Variants in TAFA5 observed in about 807,000 individuals in gnomAD.
TAFA5 encodes the protein TAFA chemokine like family member 5.
In TAFA5, 6 loss-of-function variants were observed where a neutral mutation model predicts 15.3. The observed-to-expected ratio is 0.39, with a 90% confidence interval of 0.21 to 0.77. The LOEUF is 0.77. Ranked by LOEUF, TAFA5 falls within the 30% of genes least tolerant of loss-of-function variation. The pLI is 0.41. For synonymous variants in TAFA5, 103 were observed against 80.7 expected, an observed-to-expected ratio of 1.28 and a Z score of -1.48; for missense variants, 161 against 193.1, an observed-to-expected ratio of 0.83 and a Z score of 0.98.
intron 3 of TAFA5, among the ~76,000 whole-genome samples, chr22:48,716,428 G>A (rs576035601): frequency 3.3e-5 from 5 of 152,264 alleles, no homozygotes; most frequent in African/African-American, 7.2e-5. Flanking sequence ...ACAGAAAACC[G>A]AACACCACGT....
chr22:48,681,204 A>C (rs999874322), intron 2 of TAFA5, among the ~76,000 whole-genome samples: 5 of 152,310 alleles, frequency 3.3e-5, no homozygotes, highest in African/African-American at 1.2e-4. Flanking sequence ...TGCCCATCGC[A>C]GCTGTAACCA....
At chr22:48,516,361 G>A (rs985211764) in intron 1 of TAFA5, among the ~76,000 whole-genome samples, 6 of 151,976 alleles carry the variant, frequency 3.9e-5, no homozygotes, top group African/African-American at 1.5e-4. Context: ...TAATTCCTGC[G>A]ATTCCCATTC....
intron 1 of TAFA5, among the ~76,000 whole-genome samples, chr22:48,508,034 ACTGTCACTCGGCCC>A (rs956183099): frequency 6.6e-6 from 1 of 151,916 alleles, no homozygotes; most frequent in Non-Finnish European, 1.5e-5. Context: ...AGTGGGGAGA[ACTGTCACTCGGCCC>A]CTAGAGCCGC....
intron 1 of TAFA5, among the ~76,000 whole-genome samples, chr22:48,571,271 C>CTTTTTTTTTTTTTTTTTTT (rs869050468): frequency 1.0e-5 from 1 of 97,712 alleles, no homozygotes; most frequent in Non-Finnish European, 2.0e-5. Flanking sequence ...TTGTTGTTTG[C>CTTTTTTTTTTTTTTTTTTT]TTTTTTTTTT....
chr22:48,673,884 C>T (rs1927880253), intron 2 of TAFA5, among the ~76,000 whole-genome samples: 1 of 152,146 alleles, frequency 6.6e-6, no homozygotes, highest in Admixed American at 6.5e-5. Flanking sequence ...GGAAATGCAT[C>T]ATAGCTGGGT....
intron 1 of TAFA5, among the ~76,000 whole-genome samples, chr22:48,572,695 T>G (rs1923631636): frequency 6.6e-6 from 1 of 152,158 alleles, no homozygotes; most frequent in Non-Finnish European, 1.5e-5. Context: ...ATGAAGAAGA[T>G]CAATTATATC....
chr22:48,595,475 C>T (rs547801185), intron 1 of TAFA5, among the ~76,000 whole-genome samples: 1 of 152,360 alleles, frequency 6.6e-6, no homozygotes, highest in Non-Finnish European at 1.5e-5. Context: ...TCCGCAAGTG[C>T]TGCCGGTAGC....
chr22:48,610,474 C>T (rs1925360392), intron 1 of TAFA5, among the ~76,000 whole-genome samples: 1 of 152,360 alleles, frequency 6.6e-6, no homozygotes, highest in Non-Finnish European at 1.5e-5. Context: ...GAACTGCGGA[C>T]CTTCATGCTG....
chr22:48,506,725 A>G (rs535208361), intron 1 of TAFA5, among the ~76,000 whole-genome samples: 1 of 152,292 alleles, frequency 6.6e-6, no homozygotes, highest in South Asian at 2.1e-4. Context: ...GCACACGGCA[A>G]ATGGACCACG....
At chr22:48,642,956 A>G (rs1232335861) in intron 1 of TAFA5, among the ~76,000 whole-genome samples, 1 of 152,154 alleles carries the variant, frequency 6.6e-6, no homozygotes, top group East Asian at 1.9e-4. Flanking sequence ...CAGTAGTCCC[A>G]GAAGGAGGTT....
chr22:48,506,495 A>G (rs1921000849), intron 1 of TAFA5, among the ~76,000 whole-genome samples: 1 of 152,134 alleles, frequency 6.6e-6, no homozygotes, highest in African/African-American at 2.4e-5. Context: ...TCTTCCCGGC[A>G]GTGGATCGTC....
At chr22:48,584,115 C>G (rs1443395157) in intron 1 of TAFA5, among the ~76,000 whole-genome samples, 1 of 149,848 alleles carries the variant, frequency 6.7e-6, no homozygotes, top group Non-Finnish European at 1.5e-5. Flanking sequence ...ACACCACACA[C>G]ACACACCAAT....
chr22:48,571,694 C>G (rs868146484), intron 1 of TAFA5, among the ~76,000 whole-genome samples: 33 of 140,750 alleles, frequency 2.3e-4, no homozygotes, highest in African/African-American at 8.1e-4. Flanking sequence ...TGGTAAGTCT[C>G]TACAATCTGA....
At chr22:48,592,962 G>A (rs1457992079) in intron 1 of TAFA5, among the ~76,000 whole-genome samples, 1 of 152,148 alleles carries the variant, frequency 6.6e-6, no homozygotes, top group African/African-American at 2.4e-5. Context: ...ACCTGTCTGT[G>A]GGGTTTGGTC....
intron 1 of TAFA5, among the ~76,000 whole-genome samples, chr22:48,555,385 A>G (rs1396652961): frequency 6.6e-6 from 1 of 152,210 alleles, no homozygotes; most frequent in East Asian, 1.9e-4. Context: ...CCTGGTGCTC[A>G]GACCGTGTCC....
intron 1 of TAFA5, among the ~76,000 whole-genome samples, chr22:48,559,554 C>A (rs77222668): frequency 2.0e-5 from 3 of 152,106 alleles, no homozygotes; most frequent in African/African-American, 4.8e-5. Flanking sequence ...CCCCTTCCCC[C>A]CTGGTCTCCA....
intron 2 of TAFA5, among the ~76,000 whole-genome samples, chr22:48,688,726 C>T (rs1412351713): frequency 6.6e-6 from 1 of 152,212 alleles, no homozygotes; most frequent in Non-Finnish European, 1.5e-5. Flanking sequence ...CACAGTGGCT[C>T]ATGCCTATAA....
chr22:48,489,556 A>G lies in TAFA5; in HGVS notation c.-37A>G, dbSNP rs1310549333. 3 of 1,248,288 alleles carry G rather than the reference A, an allele frequency of 2.4e-6. No homozygotes were observed. Among genetic ancestry groups the G allele is most frequent in the Non-Finnish European group, 3.2e-6 (3 of 951,312 alleles). The allele number at this position is 1,248,288 out of a possible 1,614,324, so 77.3% of individuals were successfully genotyped here. The stretch of plus-strand genomic sequence containing the variant: ...GGCGCGGGCAGGGCCGGCTGCTGAG[A>G]CGCGCTGCTGCCCCCCGCGCGGGCG... On this transcript the variant is annotated 5_prime_UTR_variant, in exon 1 of 4. Transcript: ENST00000402357. This position sits in a 1 kb window ranked among gnomAD's most constrained non-coding sequence, Gnocchi z 5.5.
intron 2 of TAFA5, among the ~76,000 whole-genome samples, chr22:48,660,717 C>A (rs1430594058): frequency 6.6e-6 from 1 of 152,220 alleles, no homozygotes; most frequent in South Asian, 2.1e-4. Flanking sequence ...TGGCTCTGCA[C>A]CTTACCAGCT....
Sources: gnomAD v4.1 joint callset for allele counts (sites outside exome capture counted in the v4.1 genomes callset) on GRCh38, gnomAD v4.1.1 for gene constraint, Gnocchi (gnomAD v3.1) non-coding constraint, MANE v1.5 for transcripts, NCBI Gene and HGNC (gene_info 2026-07-23, HGNC 2026-07-21) for gene names.